The following LIPI variants were observed in gnomAD, a reference collection of about 807,000 sequenced individuals.
The protein encoded by LIPI is lipase member I.
In LIPI, 59 loss-of-function variants were observed where a neutral mutation model predicts 50.6. That is an observed-to-expected ratio of 1.16 (90% confidence interval 0.94 to 1.45). The LOEUF is 1.45. LIPI is among the 40% of genes most tolerant of loss of function. The pLI, the probability that LIPI is intolerant of heterozygous loss-of-function variation, is 0.00. For synonymous variants in LIPI, 203 were observed against 178.2 expected (o/e 1.14, Z -1.11); for missense variants, 586 against 536.3 (o/e 1.09, Z -0.92).
chr21:14,130,486 A>G (rs1158624572), intron 9 of LIPI, among the ~76,000 whole-genome samples: 1 of 152,178 alleles, frequency 6.6e-6, no homozygotes, highest in East Asian at 1.9e-4. Flanking sequence ...CTGTATATCT[A>G]GGATAATACC....
intron 7 of LIPI, among the ~76,000 whole-genome samples, chr21:14,154,821 A>G (rs1480103237): frequency 2.0e-5 from 3 of 152,072 alleles, no homozygotes; most frequent in Admixed American, 6.6e-5. Flanking sequence ...GCCAACACCT[A>G]AACAGAGGAA....
intron 3 of LIPI, among the ~76,000 whole-genome samples, chr21:14,183,083 G>A (rs1417989496): frequency 6.6e-6 from 1 of 152,084 alleles, no homozygotes; most frequent in Non-Finnish European, 1.5e-5. Context: ...TATGCTACAA[G>A]GCTACAGTAA....
At chr21:14,206,072 G>A (rs1045880223) in intron 1 of LIPI, among the ~76,000 whole-genome samples, 7 of 152,074 alleles carry the variant, frequency 4.6e-5, no homozygotes, top group African/African-American at 1.2e-4. Context: ...AAGACACATG[G>A]GGAAGTTATA....
intron 3 of LIPI, among the ~76,000 whole-genome samples, chr21:14,184,097 C>T (rs940941641): frequency 1.3e-5 from 2 of 152,198 alleles, no homozygotes; most frequent in South Asian, 2.1e-4. Context: ...CAACGATAGA[C>T]CGGATTAAGA....
At chr21:14,191,227 A>G (rs548072626) in intron 1 of LIPI, among the ~76,000 whole-genome samples, 4 of 151,912 alleles carry the variant, frequency 2.6e-5, no homozygotes, top group Non-Finnish European at 4.4e-5. Flanking sequence ...AACTACAAAA[A>G]ATAGCCGGGC....
chr21:14,121,379 C>G (rs550536048), intron 9 of LIPI, among the ~76,000 whole-genome samples: 1 of 152,196 alleles, frequency 6.6e-6, no homozygotes, highest in East Asian at 1.9e-4. Flanking sequence ...TGGTCCTTCT[C>G]TGAGTCAGGT....
intron 1 of LIPI, among the ~76,000 whole-genome samples, chr21:14,197,026 T>TACACACACAC (rs140607205): frequency 7.7e-4 from 114 of 147,208 alleles, no homozygotes; most frequent in African/African-American, 2.7e-3. Flanking sequence ...ATAGGACAAA[T>TACACACACAC]ACACACACAC....
chr21:14,205,756 T>C (rs2020209251), intron 1 of LIPI, among the ~76,000 whole-genome samples: 1 of 152,084 alleles, frequency 6.6e-6, no homozygotes, highest in Admixed American at 6.6e-5. Flanking sequence ...CTTCAGTTAA[T>C]TAAGAATAAA....
intron 1 of LIPI, among the ~76,000 whole-genome samples, chr21:14,193,763 AG>A (rs750777266): frequency 2.0e-5 from 3 of 151,896 alleles, no homozygotes; most frequent in East Asian, 3.9e-4. Flanking sequence ...AGGCGACAAC[AG>A]AAAAAAAAAA....
intron 8 of LIPI, among the ~76,000 whole-genome samples, chr21:14,148,632 A>G (rs371814877): frequency 2.0e-5 from 3 of 152,328 alleles, no homozygotes; most frequent in East Asian, 3.9e-4. Context: ...TCTAGGTTAT[A>G]AACCTATGCT....
At chr21:14,164,510 AT>A (rs1477860745) in intron 6 of LIPI, among the ~76,000 whole-genome samples, 4 of 152,114 alleles carry the variant, frequency 2.6e-5, no homozygotes, top group African/African-American at 9.7e-5. Flanking sequence ...ATCACTACCT[AT>A]TCCTCGAACC....
At chr21:14,161,644 A>ACATTATTATATATTAATATATAATATATG (rs1381558088) in intron 7 of LIPI, among the ~76,000 whole-genome samples, 8 of 110,730 alleles carry the variant, frequency 7.2e-5, no homozygotes, top group Non-Finnish European at 1.3e-4. Flanking sequence ...TATAATATAT[A>ACATTATTATATATTAATATATAATATATG]CATTATTATA....
At chr21:14,185,906 A>T in intron 3 of LIPI, 55 bp downstream of exon 3, 1 of 1,053,304 alleles carries the variant, frequency 9.5e-7, no homozygotes, top group Non-Finnish European at 1.4e-6. Flanking sequence ...TTAGCAAAGT[A>T]ACTTCTGATA....
intron 2 of LIPI, among the ~76,000 whole-genome samples, chr21:14,186,822 A>C (rs1004241572): frequency 2.6e-5 from 4 of 152,186 alleles, no homozygotes; most frequent in Non-Finnish European, 5.9e-5. Flanking sequence ...AAAAGGCATA[A>C]TCTATGAACC....
chr21:14,210,240 T>C, intron 1 of LIPI, among the ~76,000 whole-genome samples: 1 of 147,410 alleles, frequency 6.8e-6, no homozygotes, highest in South Asian at 2.2e-4. Flanking sequence ...ACGATACTCT[T>C]AATATTGATA....
At chr21:14,114,656 G>A (rs2123308003) in intron 9 of LIPI, among the ~76,000 whole-genome samples, 1 of 152,258 alleles carries the variant, frequency 6.6e-6, no homozygotes, top group East Asian at 1.9e-4. Context: ...GGAACTCCAG[G>A]ATAAGGTTGG....
intron 9 of LIPI, among the ~76,000 whole-genome samples, chr21:14,135,464 G>T (rs1174251117): frequency 6.6e-6 from 1 of 152,136 alleles, no homozygotes; most frequent in Non-Finnish European, 1.5e-5. Context: ...CCCAGGAGTG[G>T]CGGCATGGTG....
rs199993149 is a variant in LIPI, at chr21:14,130,092, T to TA, written c.1295+14530dup. On this transcript the variant is annotated intron_variant, in intron 9 of 9. Coordinates refer to ENST00000681601, the MANE Select transcript of LIPI (RefSeq NM_001302998.2). The stretch of plus-strand genomic sequence containing the variant: ...TTTGTAAAATTGTAAAGTTAGTTTT[T>TA]AAAAAATTGCTACTTTTAGACACTC... Among the ~76,000 whole-genome samples, 1,254 of 152,276 alleles carry TA rather than the reference T, an allele frequency of 8.2e-3. 21 individuals carry two copies. The highest frequency in any genetic ancestry group is 0.028 in the African/African-American group (1,159 of 41,550).
intron 4 of LIPI, among the ~76,000 whole-genome samples, chr21:14,166,657 G>A (rs2123165373): frequency 6.6e-6 from 1 of 152,320 alleles, no homozygotes; most frequent in South Asian, 2.1e-4. Flanking sequence ...TTGCCAGTCA[G>A]CAGTTTACTA....
Sources: gnomAD v4.1 joint callset for allele counts (sites outside exome capture counted in the v4.1 genomes callset) on GRCh38, gnomAD v4.1.1 for gene constraint, MANE v1.5 for transcripts, NCBI Gene and HGNC (gene_info 2026-07-23, HGNC 2026-07-21) for gene names.